CRACD: variants seen among roughly 807,000 people sequenced by gnomAD.
CRACD encodes the protein capping protein inhibiting regulator of actin dynamics.
Under a neutral mutation model 106.8 loss-of-function variants are expected in CRACD, and 56 were observed. The observed-to-expected ratio is 0.52, with a 90% CI of 0.42 to 0.66. The LOEUF (loss-of-function observed/expected upper bound fraction) is 0.66. CRACD is among the 30% of genes least tolerant of loss of function. CRACD has a pLI of 0.00. For synonymous variants in CRACD, 754 were observed against 670.8 expected, an observed-to-expected ratio of 1.12 and a Z score of -1.92; for missense variants, 1,730 against 1,623.2, an observed-to-expected ratio of 1.07 and a Z score of -1.13.
chr4:56,061,278 C>T lies in CRACD; in HGVS notation c.-336+11979C>T, dbSNP rs147554396. Among the ~76,000 whole-genome samples, 317 of 152,294 alleles carry T rather than the reference C, an allele frequency of 2.1e-3. 2 individuals carry two copies. Among genetic ancestry groups the T allele is most frequent in the African/African-American group, 7.4e-3 (307 of 41,562 alleles). On this transcript the variant is annotated intron_variant, in intron 1 of 10. Transcript: ENST00000682029. ...CTCGACCTCCGGGGCTCAAAGGATC[C>T]TCCTACCTCAGCCTCCCAAGTAGCT...
chr4:56,128,465 G>T (rs923995430), intron 1 of CRACD, among the ~76,000 whole-genome samples: 17 of 152,070 alleles, frequency 1.1e-4, no homozygotes, highest in African/African-American at 4.1e-4. Flanking sequence ...TTAATTTGTG[G>T]CTGGGCAGAG....
chr4:56,074,717 A>G (rs1003690720), intron 1 of CRACD, among the ~76,000 whole-genome samples: 1 of 152,214 alleles, frequency 6.6e-6, no homozygotes. Flanking sequence ...GAACTTCAAT[A>G]CTATGTTGAA....
intron 2 of CRACD, among the ~76,000 whole-genome samples, chr4:56,252,729 A>G (rs1056246080): frequency 6.6e-6 from 1 of 152,218 alleles, no homozygotes; most frequent in Non-Finnish European, 1.5e-5. Context: ...CACAACACCA[A>G]GAAAAGCAAA....
At chr4:56,228,288 GA>G (rs1218877606) in intron 2 of CRACD, among the ~76,000 whole-genome samples, 3 of 151,992 alleles carry the variant, frequency 2.0e-5, no homozygotes, top group Non-Finnish European at 4.4e-5. Context: ...CTCTTTATGA[GA>G]AAAAAATTTG....
chr4:56,076,812 A>G (rs1303639549), intron 1 of CRACD, among the ~76,000 whole-genome samples: 1 of 151,990 alleles, frequency 6.6e-6, no homozygotes, highest in Non-Finnish European at 1.5e-5. Context: ...TGTGAGGGGG[A>G]CCCTATCTGT....
intron 1 of CRACD, among the ~76,000 whole-genome samples, chr4:56,066,585 T>G (rs750691415): frequency 6.6e-6 from 1 of 152,074 alleles, no homozygotes; most frequent in Non-Finnish European, 1.5e-5. Flanking sequence ...AATAAATAAA[T>G]AAAATTGTAA....
At chr4:56,319,852 C>T (rs1417464129) in intron 8 of CRACD, among the ~76,000 whole-genome samples, 3 of 138,210 alleles carry the variant, frequency 2.2e-5, no homozygotes, top group East Asian at 6.0e-4. Context: ...ATTAAAACAG[C>T]AATGATAATC....
rs767428217 is a variant in CRACD at position 56,307,698 on chromosome 4, A to T, written c.284A>T (p.Lys95Met). Residue 95 changes from lysine to methionine, a missense_variant and splice_region_variant, in exon 5 of 11, where the codon AAG (lysine) becomes ATG (methionine). Physicochemically the swap from Lys to Met is moderately conservative, Grantham distance 95 (BLOSUM62 -1). Coordinates refer to ENST00000682029, the MANE Select transcript of CRACD (RefSeq NM_001393381.1). ...ATCGTCCTCTCAGACGCAGAGAACA[A>T]GGTAAGTCTCCTCCAGGGAATGACT... Reference protein sequence around the residue: ...QDIVLSDAENKSSDTPSSLSP... With the variant: ...QDIVLSDAENMSSDTPSSLSP... 1.7e-5 allele frequency: 27 copies of T among 1,613,928 alleles called. No homozygotes were observed. The highest frequency in any genetic ancestry group is 5.0e-5 in the Admixed American group (3 of 59,998).
At chr4:56,119,535 A>AT (rs1318252394) in intron 1 of CRACD, among the ~76,000 whole-genome samples, 3 of 151,228 alleles carry the variant, frequency 2.0e-5, no homozygotes, top group Admixed American at 2.0e-4. Flanking sequence ...ATGTCTCGTC[A>AT]TGTTTTCCAG....
intron 1 of CRACD, among the ~76,000 whole-genome samples, chr4:56,118,064 A>G (rs1308829736): frequency 6.6e-6 from 1 of 152,176 alleles, no homozygotes. Context: ...CGGCTGCTTT[A>G]TGAATATTAA....
At chr4:56,310,470 CCT>C (rs1745072817) in intron 5 of CRACD, among the ~76,000 whole-genome samples, 194 bp from the exon 6 acceptor site, 1 of 152,168 alleles carries the variant, frequency 6.6e-6, no homozygotes, top group Non-Finnish European at 1.5e-5. Flanking sequence ...GCTGGTGCAC[CCT>C]CTGTGTCTCA....
intron 1 of CRACD, among the ~76,000 whole-genome samples, chr4:56,145,114 T>C (rs1033559466): frequency 2.0e-5 from 3 of 152,198 alleles, no homozygotes; most frequent in Non-Finnish European, 4.4e-5. Context: ...TTTCAAAAAT[T>C]TTAAGTATAG....
At chr4:56,099,725 G>A (rs1335747632) in intron 1 of CRACD, among the ~76,000 whole-genome samples, 1 of 152,156 alleles carries the variant, frequency 6.6e-6, no homozygotes, top group East Asian at 1.9e-4. Context: ...CACCATGCTG[G>A]AAGTGGGACA....
intron 1 of CRACD, among the ~76,000 whole-genome samples, chr4:56,082,750 A>C (rs374886076): frequency 7.1e-4 from 108 of 152,306 alleles, no homozygotes; most frequent in African/African-American, 2.5e-3. Context: ...TGGCTTATGG[A>C]GAAAGTGTTT....
chr4:56,069,808 CTA>C (rs1225380438), intron 1 of CRACD, among the ~76,000 whole-genome samples: 5 of 152,280 alleles, frequency 3.3e-5, no homozygotes, highest in African/African-American at 4.8e-5. Context: ...AAAAAAGAGA[CTA>C]TACCAGATCA....
chr4:56,184,698 A>G (rs1029739306), intron 2 of CRACD, among the ~76,000 whole-genome samples: 1 of 152,208 alleles, frequency 6.6e-6, no homozygotes, highest in Non-Finnish European at 1.5e-5. Flanking sequence ...CTCTGCTACC[A>G]ACATTCAGGT....
At chr4:56,316,786 C>G (rs1299545930) in intron 8 of CRACD, 97 bp downstream of exon 8, 3 of 1,383,970 alleles carry the variant, frequency 2.2e-6, no homozygotes, top group African/African-American at 2.9e-5. Flanking sequence ...AATAATTTAC[C>G]AACAATACAG....
chr4:56,285,693 G>T (rs930760183), intron 3 of CRACD, among the ~76,000 whole-genome samples: 1 of 152,064 alleles, frequency 6.6e-6, no homozygotes, highest in South Asian at 2.1e-4. Context: ...CCATCCTCCC[G>T]CTTTGGTCTC....
intron 1 of CRACD, among the ~76,000 whole-genome samples, chr4:56,061,259 C>T (rs1732261248): frequency 6.6e-6 from 1 of 152,178 alleles, no homozygotes; most frequent in Non-Finnish European, 1.5e-5. Context: ...CAGCCTCGAC[C>T]TCCGGGGCTC....
Sources: gnomAD v4.1 joint callset for allele counts (sites outside exome capture counted in the v4.1 genomes callset) on GRCh38, gnomAD v4.1.1 for gene constraint, MANE v1.5 for transcripts, NCBI Gene and HGNC (gene_info 2026-07-23, HGNC 2026-07-21) for gene names.